Variants in XIRP2 observed in about 807,000 individuals in gnomAD.
XIRP2 encodes xin actin-binding repeat-containing protein 2.
XIRP2 carries 236 observed loss-of-function variants against 277.0 expected under a neutral mutation model. The observed-to-expected ratio is 0.85, with a 90% confidence interval of 0.77 to 0.95. The LOEUF is 0.95. Ranked by LOEUF, XIRP2 falls within the 40% of genes least tolerant of loss-of-function variation. The pLI, the probability that XIRP2 is intolerant of heterozygous loss-of-function variation, is 0.00. For synonymous variants in XIRP2, 1,490 were observed against 1,416.5 expected, an observed-to-expected ratio of 1.05 and a Z score of -1.17; for missense variants, 4,640 against 4,157.5, an observed-to-expected ratio of 1.12 and a Z score of -3.19.
At chr2:167,214,140 A>AGCAAGC (rs1694155206) in intron 4 of XIRP2, among the ~76,000 whole-genome samples, 2 of 108,388 alleles carry the variant, frequency 1.8e-5, no homozygotes, top group African/African-American at 4.3e-5. Context: ...GAAGGAAGCA[A>AGCAAGC]AGAGAAAGAG....
chr2:167,192,961 A>G (rs1157276291), intron 3 of XIRP2, among the ~76,000 whole-genome samples: 5 of 152,100 alleles, frequency 3.3e-5, no homozygotes, highest in African/African-American at 1.2e-4. Context: ...GACTCAAAAC[A>G]TTTATTTTTA....
At chr2:167,240,035 A>G in intron 6 of XIRP2, 70 bp downstream of exon 6, 1 of 1,351,870 alleles carries the variant, frequency 7.4e-7, no homozygotes, top group Non-Finnish European at 1.0e-6. Flanking sequence ...CTTTGTTGTA[A>G]GCATTTGCAT....
At chr2:166,936,486 C>A (rs1434232345) in intron 2 of XIRP2, among the ~76,000 whole-genome samples, 2 of 152,132 alleles carry the variant, frequency 1.3e-5, no homozygotes, top group African/African-American at 4.8e-5. Flanking sequence ...AAGTCCTTGC[C>A]CATGCCTATG....
intron 2 of XIRP2, among the ~76,000 whole-genome samples, chr2:167,007,081 T>G (rs549769067): frequency 6.6e-6 from 1 of 151,828 alleles, no homozygotes; most frequent in East Asian, 1.9e-4. Flanking sequence ...CTTATTTCTC[T>G]TATTTGCAAA....
chr2:167,197,428 T>C (rs1373963606), intron 3 of XIRP2, among the ~76,000 whole-genome samples: 1 of 152,080 alleles, frequency 6.6e-6, no homozygotes, highest in Non-Finnish European at 1.5e-5. Context: ...TGTTTATATG[T>C]CAATATGTTA....
intron 3 of XIRP2, among the ~76,000 whole-genome samples, chr2:167,168,772 G>A (rs1692595391): frequency 1.3e-5 from 2 of 151,920 alleles, no homozygotes; most frequent in South Asian, 2.1e-4. Flanking sequence ...CCACCACCAC[G>A]CCCGGCTAAT....
rs1218920656 is a variant in XIRP2, at chr2:167,251,725, G to A, written c.10333G>A (p.Gly3445Ser). ...KTSSSHSSEA[G>S]KSGCDFKHAP... Reference sequence around the variant, plus strand: ...CTCTTCATCACATAGCTCAGAAGCTGGCAAATCTGGCTGTGACTTCAAGCA... The same window carrying A: ...CTCTTCATCACATAGCTCAGAAGCTAGCAAATCTGGCTGTGACTTCAAGCA... The change falls in exon 9 of 11, where the codon GGC becomes AGC. Residue 3445 changes from glycine (G) to serine (S), a missense_variant. Gly to Ser is a moderately conservative substitution (Grantham distance 56). Coordinates refer to ENST00000409195, the MANE Select transcript of XIRP2 (RefSeq NM_152381.6). The A allele has an allele frequency of 7.4e-6, 12 of 1,613,302 alleles. No individual in the cohort carries two copies. Among genetic ancestry groups the A allele is most frequent in the Non-Finnish European group, 1.0e-5 (12 of 1,179,576 alleles).
At chr2:167,085,700 G>T (rs1282795780) in intron 2 of XIRP2, among the ~76,000 whole-genome samples, 1 of 151,624 alleles carries the variant, frequency 6.6e-6, no homozygotes, top group Non-Finnish European at 1.5e-5. Flanking sequence ...TTATGTAATG[G>T]CCTTCTTTGT....
At chr2:166,936,950 A>G (rs1574093886) in intron 2 of XIRP2, among the ~76,000 whole-genome samples, 1 of 152,178 alleles carries the variant, frequency 6.6e-6, no homozygotes, top group East Asian at 1.9e-4. Flanking sequence ...TTCTGTGAAG[A>G]AAGTTATTGG....
At chr2:166,901,375 T>G (rs1037639742) in intron 1 of XIRP2, among the ~76,000 whole-genome samples, 8 of 152,080 alleles carry the variant, frequency 5.3e-5, no homozygotes, top group African/African-American at 1.9e-4. Context: ...GTCCAATTTC[T>G]AGGGGTTTTA....
At chr2:167,181,918 T>A (rs1461713433) in intron 3 of XIRP2, among the ~76,000 whole-genome samples, 2 of 152,192 alleles carry the variant, frequency 1.3e-5, no homozygotes, top group Non-Finnish European at 2.9e-5. Context: ...TCCCAGCTTA[T>A]GCCATTATGT....
chr2:167,107,662 T>C (rs1024763675), intron 2 of XIRP2, among the ~76,000 whole-genome samples: 1 of 151,644 alleles, frequency 6.6e-6, no homozygotes, highest in African/African-American at 2.4e-5. Context: ...TTTTGGTCTT[T>C]GGATTTTATT....
In XIRP2 at chr2:167,246,335, A is replaced by C. The variant is rs1354598538; in HGVS notation, c.4943A>C (p.His1648Pro). 5 of 1,612,676 alleles carry C rather than the reference A, an allele frequency of 3.1e-6. No homozygotes were observed. The highest frequency in any genetic ancestry group is 3.4e-6 in the Non-Finnish European group (4 of 1,179,580). Residue 1648 changes from histidine to proline, a missense_variant, in exon 9 of 11, where the codon CAT becomes CCT. By Grantham distance (77) the His-to-Pro change is moderately conservative. Transcript: ENST00000409195. ...TTATTAAACAGATCAACTGAATTTCATGCTGAAAAAGAAGAGATAGTGAAA... is the reference window on the plus strand; with the variant it reads ...TTATTAAACAGATCAACTGAATTTCCTGCTGAAAAAGAAGAGATAGTGAAA... ...TQLLNRSTEF[H>P]AEKEEIVKGD...
At chr2:167,210,647 A>G in intron 3 of XIRP2, 88 bp from the exon 4 acceptor site, 10 of 1,501,266 alleles carry the variant, frequency 6.7e-6, no homozygotes, top group Non-Finnish European at 9.1e-6. Flanking sequence ...GAGATCAAGT[A>G]TTTTAAATGC....
rs1246163894 is a variant in XIRP2, at chr2:167,248,605, C to T, written c.7213C>T (p.Gln2405Ter). The stretch of plus-strand genomic sequence containing the variant: ...TTCCCAAAAAGAAGCCTCGAACTCT[C>T]AGAATTCTCAGGCTAAAATCATAAC... ...QYSQKEASNS[Q>*]NSQAKIITGK... The change falls in exon 9 of 11, where the codon CAG becomes TAG. Residue 2405 changes from glutamine to a stop codon, truncating the protein, a stop_gained. Transcript: ENST00000409195. LOFTEE classifies it high-confidence loss of function. The T allele has an allele frequency of 1.9e-6, 3 of 1,613,754 alleles. No individual in the cohort carries two copies. The highest frequency in any genetic ancestry group is 1.7e-6 in the Non-Finnish European group (2 of 1,179,816).
chr2:167,255,123 C>T (rs992757132), intron 10 of XIRP2, among the ~76,000 whole-genome samples: 5 of 151,672 alleles, frequency 3.3e-5, no homozygotes, highest in African/African-American at 1.2e-4. Context: ...GAGGTCCTCA[C>T]AATTATGTTA....
chr2:166,987,504 T>C (rs1382675580), intron 2 of XIRP2, among the ~76,000 whole-genome samples: 1 of 152,152 alleles, frequency 6.6e-6, no homozygotes, highest in Non-Finnish European at 1.5e-5. Context: ...ACATTATAAA[T>C]AATAATATTT....
intron 2 of XIRP2, among the ~76,000 whole-genome samples, chr2:166,954,830 T>G (rs1186644633): frequency 6.6e-6 from 1 of 151,760 alleles, no homozygotes; most frequent in Non-Finnish European, 1.5e-5. Context: ...ACCTAAACAC[T>G]GCATGTTCTT....
At chr2:167,088,814 A>G (rs1048655758) in intron 2 of XIRP2, among the ~76,000 whole-genome samples, 5 of 152,172 alleles carry the variant, frequency 3.3e-5, no homozygotes, top group Non-Finnish European at 7.3e-5. Context: ...TTTCATGTTT[A>G]GCTTATACTT....
Sources: allele counts gnomAD v4.1 joint callset (sites outside exome capture counted in the v4.1 genomes callset), GRCh38; gene constraint gnomAD v4.1.1; transcripts MANE v1.5; gene names NCBI Gene and HGNC (gene_info 2026-07-23, HGNC 2026-07-21).